The following NRXN3 variants were observed in gnomAD, a reference collection of about 807,000 sequenced individuals.
NRXN3 encodes the protein neurexin III.
A neutral mutation model predicts 137.6 loss-of-function variants in NRXN3; 32 were observed. That is an observed-to-expected ratio of 0.23 (90% confidence interval 0.18 to 0.31). The LOEUF is 0.31. Among genes scored for constraint, NRXN3 ranks in the 10% least tolerant of loss-of-function variants. The pLI, the probability that NRXN3 is intolerant of heterozygous loss-of-function variation, is 1.00. For synonymous variants in NRXN3, 798 were observed against 784.5 expected (o/e 1.02, Z -0.29); for missense variants, 1,574 against 2,062.5 (o/e 0.76, Z 4.59).
In NRXN3 at chr14:78,698,451, G is replaced by T. The variant is rs187022096; in HGVS notation, c.1222-10766G>T. On this transcript the variant is annotated intron_variant, in intron 6 of 20. Coordinates refer to ENST00000335750, the MANE Select transcript of NRXN3 (RefSeq NM_001330195.2). ...CAGAAGCTGCTAGTTATGGCCAAAG[G>T]CCTCATTGTTGGAGAGTCGTTCTTG... Among the ~76,000 whole-genome samples, 794 of 152,180 alleles carry T rather than the reference G, an allele frequency of 5.2e-3. 12 individuals carry two copies. The highest frequency in any genetic ancestry group is 0.044 in the Middle Eastern group (13 of 294).
Position 79,441,443 on chromosome 14 carries a change from G to A in NRXN3, c.3263-25778G>A, listed in dbSNP as rs141398626. On this transcript the variant is annotated intron_variant, in intron 15 of 20. Transcript: ENST00000335750. Reference sequence around the variant, plus strand: ...TGTCCAGGCTGGAGTGCAGTGGTGCGATCTTGGCTCACTGCAAGCTCCGCC... The same window carrying A: ...TGTCCAGGCTGGAGTGCAGTGGTGCAATCTTGGCTCACTGCAAGCTCCGCC... Among the ~76,000 whole-genome samples, 1,521 of 129,094 alleles carry A rather than the reference G, an allele frequency of 0.012. 82 individuals carry two copies. The East Asian group carries it at 0.18, about 16-fold the overall frequency. 84.7% of individuals were successfully genotyped at this position (129,094 alleles called of 152,430 possible).
chr14:78,206,368 C>A (rs772650586), intron 1 of NRXN3, among the ~76,000 whole-genome samples: 2 of 152,156 alleles, frequency 1.3e-5, no homozygotes, highest in Non-Finnish European at 2.9e-5. Flanking sequence ...TGGAATACAG[C>A]CATGCAGGGG....
At position 78,242,985 on chromosome 14, in the gene NRXN3, T is replaced by TC. The variant is rs1411539594; in HGVS notation, c.-103dup. 39 of 731,404 alleles carry TC rather than the reference T, an allele frequency of 5.3e-5. 1 individual carries two copies. In the South Asian group the frequency reaches 7.2e-4, roughly 13 times the overall value. The allele number at this position is 731,404 out of a possible 1,614,324, so 45.3% of individuals were successfully genotyped here. A position where few individuals can be genotyped will look rare whatever the true frequency, so the allele number is the denominator to read the frequency against. The stretch of plus-strand genomic sequence containing the variant: ...CTGCCTTCCTCCTGTGTGCTTTCTG[T>TC]CCCCCCATCTCTGTCTTGTCTTTCC... On this transcript the variant is annotated 5_prime_UTR_variant, in exon 2 of 21. Coordinates refer to ENST00000335750, the MANE Select transcript of NRXN3 (RefSeq NM_001330195.2).
intron 4 of NRXN3, among the ~76,000 whole-genome samples, chr14:78,580,473 C>G (rs781732407): frequency 6.6e-6 from 1 of 152,200 alleles, no homozygotes. Context: ...CTCTTCATCT[C>G]CAACTCAAGG....
At chr14:79,383,341 T>C (rs2094522605) in intron 15 of NRXN3, among the ~76,000 whole-genome samples, 1 of 152,148 alleles carries the variant, frequency 6.6e-6, no homozygotes, top group African/African-American at 2.4e-5. Flanking sequence ...GGAATGGACA[T>C]GCAAATTTTT....
At chr14:79,438,053 A>C (rs899233745) in intron 15 of NRXN3, among the ~76,000 whole-genome samples, 6 of 152,134 alleles carry the variant, frequency 3.9e-5, no homozygotes, top group Admixed American at 3.9e-4. Flanking sequence ...GTTCTTAAGA[A>C]AGTTGTCCTC....
chr14:79,651,250 T>A (rs2098474493), intron 16 of NRXN3, among the ~76,000 whole-genome samples: 1 of 152,098 alleles, frequency 6.6e-6, no homozygotes, highest in Non-Finnish European at 1.5e-5. Context: ...GACAGTTTGG[T>A]AGACTATGTG....
chr14:79,390,135 G>A (rs948347912), intron 15 of NRXN3, among the ~76,000 whole-genome samples: 18 of 151,932 alleles, frequency 1.2e-4, no homozygotes, highest in Non-Finnish European at 2.5e-4. Flanking sequence ...GGCTAACACA[G>A]TGAAACCCCG....
chr14:78,719,528 T>C (rs1187138417), intron 8 of NRXN3, among the ~76,000 whole-genome samples: 1 of 152,162 alleles, frequency 6.6e-6, no homozygotes, highest in Non-Finnish European at 1.5e-5. Context: ...CACATGGAAA[T>C]CATGTCATAA....
intron 10 of NRXN3, among the ~76,000 whole-genome samples, chr14:78,885,695 G>A (rs1378842271): frequency 6.6e-6 from 1 of 152,064 alleles, no homozygotes; most frequent in African/African-American, 2.4e-5. Context: ...TGACAGCTTA[G>A]ACAGTTGGTT....
At chr14:79,114,982 A>G (rs930323701) in intron 15 of NRXN3, among the ~76,000 whole-genome samples, 2 of 152,138 alleles carry the variant, frequency 1.3e-5, no homozygotes, top group African/African-American at 4.8e-5. Flanking sequence ...TGAATTTGCA[A>G]CTGCCTGATA....
intron 10 of NRXN3, among the ~76,000 whole-genome samples, chr14:78,888,848 TACACACACACAC>T (rs59053009): frequency 2.7e-5 from 4 of 146,318 alleles, no homozygotes; most frequent in African/African-American, 1.0e-4. Context: ...ATCACACACA[TACACACACACAC>T]ACACACACAC....
intron 16 of NRXN3, among the ~76,000 whole-genome samples, chr14:79,598,952 T>C (rs2097892732): frequency 6.6e-6 from 1 of 152,220 alleles, no homozygotes; most frequent in Non-Finnish European, 1.5e-5. Context: ...ATAGCTCCAA[T>C]TCTCAAAAAA....
At chr14:79,647,067 T>C (rs1480661548) in intron 16 of NRXN3, among the ~76,000 whole-genome samples, 1 of 135,932 alleles carries the variant, frequency 7.4e-6, no homozygotes, top group African/African-American at 2.4e-5. Flanking sequence ...TAAAGTTTGC[T>C]GGTCCTTTCA....
intron 6 of NRXN3, among the ~76,000 whole-genome samples, chr14:78,699,288 C>T (rs2098257233): frequency 6.7e-6 from 1 of 149,544 alleles, no homozygotes; most frequent in Admixed American, 6.6e-5. Context: ...TAGTAGTTAT[C>T]CAGGTAGAGA....
chr14:78,199,530 A>G (rs996923097), intron 1 of NRXN3, among the ~76,000 whole-genome samples: 6 of 152,148 alleles, frequency 3.9e-5, no homozygotes, highest in Admixed American at 2.0e-4. Flanking sequence ...CATATTACAG[A>G]TAAGGAAACT....
intron 15 of NRXN3, among the ~76,000 whole-genome samples, chr14:79,382,115 T>C (rs1176067749): frequency 6.6e-6 from 1 of 152,182 alleles, no homozygotes; most frequent in Non-Finnish European, 1.5e-5. Context: ...AGAATCCTTT[T>C]CATTGAGTTA....
In NRXN3 at chr14:79,140,601, G is replaced by GTGTA. The variant is rs1555788809; in HGVS notation, c.3262+152463_3262+152464insATGT. ...TGTGTGTGTGTGTGTGTGTGTGTGT[G>GTGTA]TGTGTGTGTGAAGTTAAATGATCTT... On this transcript the variant is annotated intron_variant, in intron 15 of 20. Coordinates refer to ENST00000335750, the MANE Select transcript of NRXN3 (RefSeq NM_001330195.2). Among the ~76,000 whole-genome samples the GTGTA allele has an allele frequency of 9.0e-4, 136 of 151,874 alleles. 4 individuals are homozygous for GTGTA. The highest frequency in any genetic ancestry group is 3.1e-3 in the African/African-American group (130 of 41,356).
chr14:78,747,993 G>C (rs1403077277), intron 8 of NRXN3, among the ~76,000 whole-genome samples: 1 of 152,120 alleles, frequency 6.6e-6, no homozygotes, highest in East Asian at 1.9e-4. Context: ...GAGAACACTT[G>C]GGTACTGGTG....
Sources: allele counts gnomAD v4.1 joint callset (sites outside exome capture counted in the v4.1 genomes callset), GRCh38; gene constraint gnomAD v4.1.1; transcripts MANE v1.5; gene names NCBI Gene and HGNC (gene_info 2026-07-23, HGNC 2026-07-21).